Variants in CDHR2 observed in about 807,000 individuals in gnomAD.
The protein encoded by CDHR2 is cadherin related family member 2, also known as cadherin-related family member 2.
A neutral mutation model predicts 138.6 loss-of-function variants in CDHR2; 104 were observed. The observed-to-expected ratio is 0.75, with a 90% confidence interval of 0.64 to 0.88. The LOEUF is 0.88. Ranked by LOEUF, CDHR2 falls within the 40% of genes least tolerant of loss-of-function variation. The pLI, the probability that CDHR2 is intolerant of heterozygous loss-of-function variation, is 0.00. For missense variants in CDHR2, 1,624 were observed against 1,727.6 expected (o/e 0.94, Z 1.06); for synonymous variants, 755 against 742.8 (o/e 1.02, Z -0.27).
At chr5:176,565,646 T>A in intron 2 of CDHR2, 26 bp from the exon 3 acceptor site, 1 of 1,606,658 alleles carries the variant, frequency 6.2e-7, no homozygotes, top group Non-Finnish European at 8.5e-7. Context: ...GGTGTCCCGA[T>A]GTTCCAGCAC....
intron 7 of CDHR2, 56 bp downstream of exon 7, chr5:176,574,228 A>C: frequency 9.2e-5 from 120 of 1,304,322 alleles, no homozygotes; most frequent in Middle Eastern, 1.8e-4. Flanking sequence ...CAGCATCTCC[A>C]CAGACAACCC....
In CDHR2 at chr5:176,567,412, C is replaced by T. The variant is rs143975733; in HGVS notation, c.125-1266C>T. On this transcript the variant is annotated intron_variant, in intron 3 of 31. Coordinates refer to ENST00000261944, the MANE Select transcript of CDHR2 (RefSeq NM_017675.6). ...CTCAAACTCCTGGGCTCAAGCAGTTCTCCCATCTCGGCTTCCCAAAGTGCT... is the reference window on the plus strand; with the variant it reads ...CTCAAACTCCTGGGCTCAAGCAGTTTTCCCATCTCGGCTTCCCAAAGTGCT... Among the ~76,000 whole-genome samples the T allele has an allele frequency of 6.8e-3, 1,036 of 152,298 alleles. 13 individuals carry two copies. The highest frequency in any genetic ancestry group is 0.024 in the African/African-American group (982 of 41,566).
In CDHR2 at chr5:176,595,553, C is replaced by A; in HGVS notation, c.3814C>A (p.Pro1272Thr). 6.2e-7 allele frequency: 1 copy of A among 1,609,618 alleles called. No individual in the cohort carries two copies. Among genetic ancestry groups the A allele is most frequent in the South Asian group, 1.1e-5 (1 of 90,582 alleles). ...GCAGGAGCACAGGCCACCACACACA[C>A]CACCAGAGCCAGATCCAGAGCCCCT... ...EIKEHRPPHTPPEPDPEPLSV... is the reference protein window; with the variant it reads ...EIKEHRPPHTTPEPDPEPLSV... The change falls in exon 32 of 32, where the codon CCA (proline) becomes ACA (threonine). Residue 1272 changes from proline (P) to threonine (T), a missense_variant. Coordinates refer to ENST00000261944, the MANE Select transcript of CDHR2 (RefSeq NM_017675.6).
intron 27 of CDHR2, 26 bp downstream of exon 27, chr5:176,590,511 A>G (rs767607557): frequency 1.2e-6 from 2 of 1,613,942 alleles, no homozygotes; most frequent in Middle Eastern, 1.7e-4. Context: ...GCGGGGCAGC[A>G]GGTGGGGCTG....
intron 1 of CDHR2, among the ~76,000 whole-genome samples, chr5:176,550,988 T>C (rs1757691197): frequency 1.3e-5 from 2 of 152,176 alleles, no homozygotes; most frequent in African/African-American, 2.4e-5. Flanking sequence ...CTGATTCTTC[T>C]CTGTGTCCTT....
chr5:176,564,796 G>A (rs1479809984), intron 1 of CDHR2, among the ~76,000 whole-genome samples: 1 of 152,084 alleles, frequency 6.6e-6, no homozygotes, highest in Non-Finnish European at 1.5e-5. Flanking sequence ...TGTATCAGCA[G>A]GTGAACGAAG....
intron 22 of CDHR2, 60 bp downstream of exon 22, chr5:176,589,242 G>A (rs1758771906): frequency 1.9e-6 from 3 of 1,604,958 alleles, no homozygotes; most frequent in Admixed American, 3.4e-5. Context: ...GAGCTTTCAG[G>A]CAGCAAGTCC....
At chr5:176,574,293 T>C in intron 7 of CDHR2, 121 bp downstream of exon 7, 2 of 731,878 alleles carry the variant, frequency 2.7e-6, no homozygotes, top group Admixed American at 2.4e-5. Context: ...CCAGCCCTGG[T>C]CCCCAAACCG....
chr5:176,581,604 A>T, intron 17 of CDHR2, 22 bp downstream of exon 17: 1 of 1,606,740 alleles, frequency 6.2e-7, no homozygotes, highest in Non-Finnish European at 8.5e-7. Context: ...CTTAGCCAGG[A>T]TGGGCCTGGG....
intron 1 of CDHR2, among the ~76,000 whole-genome samples, chr5:176,559,039 C>G (rs1049912810): frequency 6.6e-6 from 1 of 152,230 alleles, no homozygotes; most frequent in East Asian, 1.9e-4. Context: ...CCTCAACGCA[C>G]AGGCCTCTTA....
intron 16 of CDHR2, 87 bp from the exon 17 acceptor site, chr5:176,581,256 C>T (rs995646223): frequency 2.5e-4 from 383 of 1,544,568 alleles, no homozygotes; most frequent in Middle Eastern, 8.8e-4. Flanking sequence ...CGTGGGCCAG[C>T]GCTGGAGAGG....
At chr5:176,548,883 T>C (rs1757643876), upstream of CDHR2, among the ~76,000 whole-genome samples, 1 of 152,192 alleles carries the variant, frequency 6.6e-6, no homozygotes, top group African/African-American at 2.4e-5. Context: ...CAGGCTCAGC[T>C]AGCCCCCAGT....
At chr5:176,578,315 GA>G in intron 15 of CDHR2, 49 bp from the exon 16 acceptor site, 1 of 1,548,278 alleles carries the variant, frequency 6.5e-7, no homozygotes, top group South Asian at 1.2e-5. Flanking sequence ...AATTCACACT[GA>G]AATGGGCATC....
intron 1 of CDHR2, among the ~76,000 whole-genome samples, chr5:176,549,669 G>A (rs1162978631): frequency 6.6e-6 from 1 of 152,156 alleles, no homozygotes; most frequent in Non-Finnish European, 1.5e-5. Flanking sequence ...GTCCTCAAGG[G>A]ATGATTCTTC....
At chr5:176,546,166 G>A (rs983051437), upstream of CDHR2, among the ~76,000 whole-genome samples, 7 of 152,216 alleles carry the variant, frequency 4.6e-5, no homozygotes, top group African/African-American at 1.7e-4. Context: ...GATGACTAGT[G>A]CCTACTTCCT....
chr5:176,586,789 G>T lies in CDHR2; in HGVS notation c.2807-4G>T. On this transcript the variant is annotated splice_polypyrimidine_tract_variant and splice_region_variant and intron_variant, in intron 20 of 31. Transcript: ENST00000261944. ...GCTGACCCCGTTCCCGTTCACACCTGCAGTGATCATCCCTGAACTCGTGCT... is the reference window on the plus strand; with the variant it reads ...GCTGACCCCGTTCCCGTTCACACCTTCAGTGATCATCCCTGAACTCGTGCT... The T allele has an allele frequency of 6.2e-7, 1 of 1,606,594 alleles. No individual in the cohort carries two copies. Among genetic ancestry groups the T allele is most frequent in the Non-Finnish European group, 8.5e-7 (1 of 1,176,512 alleles).
intron 1 of CDHR2, among the ~76,000 whole-genome samples, chr5:176,552,443 T>A (rs548297670): frequency 1.3e-5 from 2 of 151,980 alleles, no homozygotes; most frequent in African/African-American, 4.8e-5. Flanking sequence ...AGAGAGCAGC[T>A]CGTGTGGAAA....
intron 21 of CDHR2, among the ~76,000 whole-genome samples, chr5:176,587,454 A>AT (rs1430614386): frequency 1.3e-5 from 2 of 151,984 alleles, no homozygotes; most frequent in Non-Finnish European, 2.9e-5. Flanking sequence ...GCCTCAAAAA[A>AT]AAATAAATAA....
At position 176,574,154 on chromosome 5, in the gene CDHR2, C is replaced by T. The variant is rs145189395; in HGVS notation, c.477C>T (p.Val159=). The part of the protein sequence containing the change: ...VDKDMGSAGM[V]VYSIEKVIPS... ...AAGACATGGGGTCTGCAGGCATGGT[C>T]GTGTACTCCATAGAGAAGGTGAGTG... The change falls in exon 7 of 32, where the codon GTC becomes GTT. Residue 159 remains valine, a synonymous_variant. Coordinates refer to ENST00000261944, the MANE Select transcript of CDHR2 (RefSeq NM_017675.6). 2.5e-4 allele frequency: 407 copies of T among 1,613,646 alleles called. No homozygotes were observed. Among genetic ancestry groups the T allele is most frequent in the Admixed American group, 7.7e-4 (46 of 60,014 alleles).
Sources: allele counts gnomAD v4.1 joint callset (sites outside exome capture counted in the v4.1 genomes callset), GRCh38; gene constraint gnomAD v4.1.1; transcripts MANE v1.5; gene names NCBI Gene and HGNC (gene_info 2026-07-23, HGNC 2026-07-21).